LRGUK: variants seen among roughly 807,000 people sequenced by gnomAD.
The protein encoded by LRGUK is leucine-rich repeat and guanylate kinase domain-containing protein.
In LRGUK, 65 loss-of-function variants were observed where a neutral mutation model predicts 76.0. That is an observed-to-expected ratio of 0.85 (90% CI 0.70 to 1.05). The LOEUF (loss-of-function observed/expected upper bound fraction) is 1.05, where lower values mean the gene tolerates loss of function less well. LRGUK is among the 50% of genes least tolerant of loss of function. The pLI is 0.00. For synonymous variants in LRGUK, 268 were observed against 265.6 expected (o/e 1.01, Z -0.09); for missense variants, 758 against 732.8 (o/e 1.03, Z -0.40).
exon 20 of LRGUK, chr7:134,263,881 C>T: frequency 6.2e-7 from 1 of 1,611,060 alleles, no homozygotes; most frequent in Non-Finnish European, 8.5e-7. Context: ...GAAAAAGAGT[C>T]TCACCAACAC....
intron 16 of LRGUK, among the ~76,000 whole-genome samples, chr7:134,231,998 T>A (rs1030462537): frequency 6.6e-6 from 1 of 152,134 alleles, no homozygotes; most frequent in Non-Finnish European, 1.5e-5. Context: ...ATTTGTTGAA[T>A]TCTTATCATG....
intron 16 of LRGUK, among the ~76,000 whole-genome samples, chr7:134,235,003 A>C (rs1020984916): frequency 6.6e-6 from 1 of 152,146 alleles, no homozygotes; most frequent in Admixed American, 6.5e-5. Flanking sequence ...GAATCTGCCC[A>C]CTATCCTGGT....
At chr7:134,184,498 T>C (rs1308239673) in intron 11 of LRGUK, among the ~76,000 whole-genome samples, 4 of 152,072 alleles carry the variant, frequency 2.6e-5, no homozygotes, top group African/African-American at 9.7e-5. Flanking sequence ...CTCGATCTCC[T>C]GACCTCATGA....
chr7:134,165,722 A>G (rs1798950734), intron 7 of LRGUK, among the ~76,000 whole-genome samples: 2 of 152,224 alleles, frequency 1.3e-5, no homozygotes, highest in South Asian at 2.1e-4. Flanking sequence ...GTATGTCTCA[A>G]TTCATCCTGG....
intron 11 of LRGUK, 92 bp downstream of exon 11, chr7:134,183,945 T>C (rs1384509008): frequency 1.4e-6 from 2 of 1,470,064 alleles, no homozygotes; most frequent in Admixed American, 3.9e-5. Context: ...ATATTGCTAA[T>C]GTTGGCTATT....
chr7:134,254,857 A>G (rs1802536115), intron 18 of LRGUK, among the ~76,000 whole-genome samples: 1 of 152,198 alleles, frequency 6.6e-6, no homozygotes, highest in Non-Finnish European at 1.5e-5. Context: ...GCAATTAAAG[A>G]TCAGGGTTCA....
intron 15 of LRGUK, among the ~76,000 whole-genome samples, chr7:134,215,782 G>T (rs993578331): frequency 6.6e-6 from 1 of 152,080 alleles, no homozygotes; most frequent in African/African-American, 2.4e-5. Context: ...TAATTGCGTA[G>T]TCCAATTTGA....
chr7:134,145,492 C>T (rs1343850380), intron 4 of LRGUK, among the ~76,000 whole-genome samples: 1 of 152,126 alleles, frequency 6.6e-6, no homozygotes, highest in Admixed American at 6.5e-5. Flanking sequence ...GCTGATCTGC[C>T]CGCCTTGGCC....
chr7:134,222,894 C>T (rs1276627264), intron 16 of LRGUK, among the ~76,000 whole-genome samples: 3 of 151,930 alleles, frequency 2.0e-5, no homozygotes, highest in East Asian at 1.9e-4. Flanking sequence ...CACCATGCCC[C>T]GCCAAGGATA....
intron 9 of LRGUK, 35 bp from the exon 10 acceptor site, chr7:134,178,468 T>A (rs1220295193): frequency 6.6e-7 from 1 of 1,524,448 alleles, no homozygotes; most frequent in Non-Finnish European, 9.0e-7. Flanking sequence ...GAAACAAAAC[T>A]TTTTTTCCCT....
At chr7:134,250,303 T>G (rs1802413740) in intron 18 of LRGUK, among the ~76,000 whole-genome samples, 1 of 152,288 alleles carries the variant, frequency 6.6e-6, no homozygotes, top group Non-Finnish European at 1.5e-5. Flanking sequence ...CCCTAAGAAT[T>G]TAATGAAATA....
intron 3 of LRGUK, among the ~76,000 whole-genome samples, chr7:134,141,856 A>G (rs1260994810): frequency 1.3e-5 from 2 of 152,218 alleles, no homozygotes; most frequent in South Asian, 2.1e-4. Flanking sequence ...CAAAGTGTTA[A>G]TGTCTCAAAG....
chr7:134,203,589 G>A (rs1033956628), intron 15 of LRGUK, among the ~76,000 whole-genome samples: 2 of 152,188 alleles, frequency 1.3e-5, no homozygotes, highest in African/African-American at 4.8e-5. Flanking sequence ...TTCTCCATAT[G>A]TCTTATAGGA....
At chr7:134,166,637 C>G (rs1397692078) in intron 7 of LRGUK, among the ~76,000 whole-genome samples, 3 of 152,136 alleles carry the variant, frequency 2.0e-5, no homozygotes, top group African/African-American at 7.2e-5. Context: ...AGTGCTCCTC[C>G]CAGAGCTCCC....
chr7:134,225,135 A>C (rs1270126751), intron 16 of LRGUK, among the ~76,000 whole-genome samples: 6 of 149,836 alleles, frequency 4.0e-5, no homozygotes, highest in Non-Finnish European at 7.5e-5. Context: ...GAAAAAAAAA[A>C]AAAAAAAAAA....
At chr7:134,163,641 A>G (rs573725169) in intron 7 of LRGUK, 101 bp downstream of exon 7, 2 of 1,023,996 alleles carry the variant, frequency 2.0e-6, no homozygotes, top group East Asian at 2.6e-5. Flanking sequence ...AAGGGCGGAC[A>G]CATTAAATGT....
the LRGUK span, among the ~76,000 whole-genome samples, chr7:134,269,833 A>C: frequency 1.5e-4 from 23 of 152,194 alleles, no homozygotes; most frequent in Non-Finnish European, 2.9e-4. Flanking sequence ...AATCTATCAT[A>C]ATAATAGGAT....
rs1214436710 is a variant in LRGUK at position 134,186,715 on chromosome 7, CA to C, written c.1334+2864del. On this transcript the variant is annotated intron_variant, in intron 11 of 15. Transcript: ENST00000645682. Reference sequence around the variant, plus strand: ...CTAGTCCCTGAGGGTAGAGCAGGAACAAGACTGGTGAGGTCCTTGCCTTAAT... The same window carrying C: ...CTAGTCCCTGAGGGTAGAGCAGGAACAGACTGGTGAGGTCCTTGCCTTAAT... Among the ~76,000 whole-genome samples, 17 of 152,286 alleles carry C rather than the reference CA, an allele frequency of 1.1e-4. 1 individual carries two copies. The East Asian group carries it at 3.3e-3, about 29-fold the overall frequency.
At chr7:134,131,569 C>T (rs1452150582) in intron 1 of LRGUK, among the ~76,000 whole-genome samples, 2 of 152,062 alleles carry the variant, frequency 1.3e-5, no homozygotes, top group African/African-American at 4.8e-5. Flanking sequence ...GAAGAAGCCT[C>T]CTAGGTAGGG....
Sources: gnomAD v4.1 joint callset for allele counts (sites outside exome capture counted in the v4.1 genomes callset) on GRCh38, gnomAD v4.1.1 for gene constraint, MANE v1.5 for transcripts, NCBI Gene and HGNC (gene_info 2026-07-23, HGNC 2026-07-21) for gene names.